Variants in ZNF385D observed in about 807,000 individuals in gnomAD.
ZNF385D encodes the protein zinc finger protein 385D.
ZNF385D carries 15 observed loss-of-function variants against 35.8 expected under a neutral mutation model. That is an observed-to-expected ratio of 0.42 (90% CI 0.28 to 0.64). The LOEUF is 0.64. Among genes scored for constraint, ZNF385D ranks in the 30% least tolerant of loss-of-function variants. The pLI is 0.23. For missense variants in ZNF385D, 474 were observed against 494.6 expected, an observed-to-expected ratio of 0.96 and a Z score of 0.39; for synonymous variants, 212 against 186.8, an observed-to-expected ratio of 1.13 and a Z score of -1.10.
At chr3:22,058,364 C>G (rs1381863575) in intron 3 of ZNF385D, among the ~76,000 whole-genome samples, 2 of 152,172 alleles carry the variant, frequency 1.3e-5, no homozygotes, top group Non-Finnish European at 2.9e-5. Context: ...ACACCCAAGC[C>G]TCCAGGATTC....
chr3:21,861,443 A>C lies in ZNF385D; in HGVS notation c.326-196415T>G, dbSNP rs146461130. Reference sequence around the variant, plus strand: ...TGAAGACATTTCTAATGTGACCTTGAAACAGGTAAGCTCTCTCTTGTGTGA... The same window carrying C: ...TGAAGACATTTCTAATGTGACCTTGCAACAGGTAAGCTCTCTCTTGTGTGA... On this transcript the variant is annotated intron_variant, in intron 3 of 5. Transcript: ENST00000494108. Among the ~76,000 whole-genome samples, 28 of 152,238 alleles carry C rather than the reference A, an allele frequency of 1.8e-4. 1 individual carries two copies. The East Asian group carries it at 5.0e-3, about 27-fold the overall frequency.
intron 3 of ZNF385D, among the ~76,000 whole-genome samples, chr3:22,091,779 A>G (rs1434100418): frequency 1.3e-5 from 2 of 152,128 alleles, no homozygotes; most frequent in Non-Finnish European, 2.9e-5. Flanking sequence ...TTTGCCTGTT[A>G]TATGCATGTT....
chr3:22,223,459 CTA>C lies in ZNF385D; in HGVS notation c.107-54426_107-54425del, dbSNP rs373470115. ...TTGCTGAACAATATGGGATTGAACA[CTA>C]TTTTTTCTGGGCTTCAAATTTCTTA... On this transcript the variant is annotated intron_variant, in intron 2 of 5. Transcript: ENST00000494108. 7.2e-3 allele frequency among the ~76,000 whole-genome samples: 1,101 copies of C among 152,106 alleles called. 8 individuals are homozygous for C. The highest frequency in any genetic ancestry group is 0.017 in the African/African-American group (720 of 41,506).
At chr3:22,039,745 T>C (rs1052819736) in intron 3 of ZNF385D, among the ~76,000 whole-genome samples, 4 of 152,122 alleles carry the variant, frequency 2.6e-5, no homozygotes, top group African/African-American at 2.4e-5. Flanking sequence ...TAAATAACTA[T>C]TGCTTAAAAA....
intron 2 of ZNF385D, among the ~76,000 whole-genome samples, chr3:22,176,227 GAACTCACCAATATTTAGCCACAC>G (rs1694824638): frequency 6.6e-6 from 1 of 151,870 alleles, no homozygotes; most frequent in African/African-American, 2.4e-5. Flanking sequence ...CACAGCTAAC[GAACTCACCAATATTTAGCCACAC>G]AACTCAGATA....
chr3:21,751,044 C>G lies in ZNF385D; in HGVS notation c.-128G>C. 2 of 1,560,918 alleles carry G rather than the reference C, an allele frequency of 1.3e-6. No individual in the cohort carries two copies. Among genetic ancestry groups the G allele is most frequent in the Non-Finnish European group, 1.7e-6 (2 of 1,153,390 alleles). On this transcript the variant is annotated 5_prime_UTR_variant, in exon 1 of 8. Transcript: ENST00000281523. ...TCCCCGGCGTGGAGAGCAGTGAGCG[C>G]CGAGAGCGTGCCTCCTCCGCGGGAT...
At chr3:21,957,391 C>A (rs9816449) in intron 3 of ZNF385D, among the ~76,000 whole-genome samples, 1,647 of 152,114 alleles carry the variant, frequency 0.011, 43 homozygotes, top group African/African-American at 0.037. Context: ...CAGAAAAAGA[C>A]AGGAAAATAT....
chr3:21,639,872 A>G (rs975184544), intron 2 of ZNF385D, among the ~76,000 whole-genome samples: 5 of 152,002 alleles, frequency 3.3e-5, no homozygotes, highest in Non-Finnish European at 7.4e-5. Flanking sequence ...TTCCTTTACC[A>G]TACTATTGTA....
At chr3:22,125,413 A>T (rs574518491) in intron 3 of ZNF385D, among the ~76,000 whole-genome samples, 60 of 152,174 alleles carry the variant, frequency 3.9e-4, no homozygotes, top group African/African-American at 1.4e-3. Flanking sequence ...TTATGGTTCC[A>T]TATAATTTTT....
chr3:21,779,548 G>C (rs546851556), intron 3 of ZNF385D, among the ~76,000 whole-genome samples: 2 of 152,050 alleles, frequency 1.3e-5, no homozygotes, highest in South Asian at 2.1e-4. Flanking sequence ...TCAGCACATG[G>C]AGTTTATACA....
At chr3:22,283,112 G>C (rs532035668) in intron 2 of ZNF385D, among the ~76,000 whole-genome samples, 1 of 151,896 alleles carries the variant, frequency 6.6e-6, no homozygotes, top group Non-Finnish European at 1.5e-5. Flanking sequence ...AATGATAAAG[G>C]ACTAGTCCAA....
intron 3 of ZNF385D, among the ~76,000 whole-genome samples, chr3:22,038,939 T>C (rs939447314): frequency 6.7e-6 from 1 of 150,352 alleles, no homozygotes; most frequent in Non-Finnish European, 1.5e-5. Flanking sequence ...TTATAATAAA[T>C]ATGATCAGGC....
chr3:21,829,668 G>C (rs989698976), intron 3 of ZNF385D, among the ~76,000 whole-genome samples: 1 of 152,016 alleles, frequency 6.6e-6, no homozygotes. Context: ...AAGTTGGGAG[G>C]AGCAGCTGCA....
At chr3:21,600,104 G>T (rs1354534539) in intron 2 of ZNF385D, among the ~76,000 whole-genome samples, 4 of 152,164 alleles carry the variant, frequency 2.6e-5, no homozygotes, top group African/African-American at 7.2e-5. Context: ...ACAATGTCAG[G>T]AATTTACCCT....
intron 4 of ZNF385D, among the ~76,000 whole-genome samples, chr3:21,464,743 A>ACACACACACACACACACACAC (rs1703400674): frequency 6.7e-6 from 1 of 150,198 alleles, no homozygotes; most frequent in African/African-American, 2.5e-5. Context: ...AATAAATTAA[A>ACACACACACACACACACACAC]ACACACACAC....
At chr3:21,962,194 A>G (rs915262853) in intron 3 of ZNF385D, among the ~76,000 whole-genome samples, 3 of 152,150 alleles carry the variant, frequency 2.0e-5, no homozygotes, top group African/African-American at 7.2e-5. Flanking sequence ...AGAGATGATT[A>G]TGTATTTGGC....
At chr3:21,827,171 T>G (rs1237595089) in intron 3 of ZNF385D, among the ~76,000 whole-genome samples, 1 of 152,192 alleles carries the variant, frequency 6.6e-6, no homozygotes, top group Non-Finnish European at 1.5e-5. Context: ...TATTCAATAT[T>G]TCTTAGCTTC....
At chr3:22,187,677 A>G (rs1474711635) in intron 2 of ZNF385D, among the ~76,000 whole-genome samples, 1 of 152,184 alleles carries the variant, frequency 6.6e-6, no homozygotes, top group Non-Finnish European at 1.5e-5. Context: ...TAATAGATAT[A>G]TATTTAATTA....
intron 1 of ZNF385D, among the ~76,000 whole-genome samples, chr3:21,684,415 CTCTCTCT>C: frequency 1.0e-5 from 1 of 96,282 alleles, no homozygotes; most frequent in East Asian, 3.0e-4. Flanking sequence ...CTCTCTCTCT[CTCTCTCT>C]CTCTCTCTCC....
Sources: gnomAD v4.1 joint callset for allele counts (sites outside exome capture counted in the v4.1 genomes callset) on GRCh38, gnomAD v4.1.1 for gene constraint, MANE v1.5 for transcripts, NCBI Gene and HGNC (gene_info 2026-07-23, HGNC 2026-07-21) for gene names.